The following CLSTN2 variants were observed in gnomAD, a reference collection of about 807,000 sequenced individuals.
CLSTN2 encodes the protein calsyntenin 2, also known as calsyntenin-2.
In CLSTN2, 48 loss-of-function variants were observed where a neutral mutation model predicts 101.2. The observed-to-expected ratio is 0.47, with a 90% CI of 0.38 to 0.60. The LOEUF is 0.60. CLSTN2 is among the 20% of genes least tolerant of loss of function. CLSTN2 has a pLI of 0.00. For missense variants in CLSTN2, 1,160 were observed against 1,238.2 expected, an observed-to-expected ratio of 0.94 and a Z score of 0.95; for synonymous variants, 481 against 463.6, an observed-to-expected ratio of 1.04 and a Z score of -0.48.
At chr3:140,108,700 T>G (rs1286141076) in intron 1 of CLSTN2, among the ~76,000 whole-genome samples, 2 of 152,220 alleles carry the variant, frequency 1.3e-5, no homozygotes, top group Non-Finnish European at 2.9e-5. Context: ...TTGTTTCATC[T>G]CATGGTATTT....
intron 8 of CLSTN2, among the ~76,000 whole-genome samples, chr3:140,497,168 A>G (rs947742981): frequency 2.0e-5 from 3 of 151,152 alleles, no homozygotes; most frequent in African/African-American, 7.3e-5. Flanking sequence ...TGTTGGGGGT[A>G]AGCCTTCCTC....
intron 2 of CLSTN2, among the ~76,000 whole-genome samples, chr3:140,182,134 A>G (rs1443328999): frequency 6.6e-6 from 1 of 152,182 alleles, no homozygotes; most frequent in African/African-American, 2.4e-5. Flanking sequence ...AAGAGGAAGC[A>G]AGTTATATCA....
At chr3:140,115,198 A>C (rs574940034) in intron 1 of CLSTN2, among the ~76,000 whole-genome samples, 1 of 152,300 alleles carries the variant, frequency 6.6e-6, no homozygotes, top group South Asian at 2.1e-4. Flanking sequence ...TATGGAAACT[A>C]TATCTTATTC....
Position 140,566,154 on chromosome 3 carries a change from AGAG to A in CLSTN2, c.2784_2786del (p.Glu929del), listed in dbSNP as rs10573488. The A allele has an allele frequency of 3.7e-4, 595 of 1,603,336 alleles. 1 individual carries two copies. The highest frequency in any genetic ancestry group is 4.5e-4 in the Non-Finnish European group (525 of 1,170,796). ...CCAGCAGTGGCTCTGACGACAGCGA[AGAG>A]GAGGAGGAGGAGGAAGGGATGGGCA... On this transcript the variant is annotated inframe_deletion, in exon 17 of 17. Transcript: ENST00000458420.
chr3:140,562,684 T>G, intron 13 of CLSTN2, 127 bp from the exon 14 acceptor site: 4 of 1,001,906 alleles, frequency 4.0e-6, no homozygotes, highest in Non-Finnish European at 5.9e-6. Flanking sequence ...CAAAATATCT[T>G]GAGCTCTTAC....
At chr3:140,285,045 A>C (rs2086883141) in intron 2 of CLSTN2, among the ~76,000 whole-genome samples, 1 of 152,058 alleles carries the variant, frequency 6.6e-6, no homozygotes, top group African/African-American at 2.4e-5. Context: ...CCAATACAAA[A>C]GGGCATCCTG....
chr3:140,126,216 A>G (rs994443078), intron 1 of CLSTN2, among the ~76,000 whole-genome samples: 8 of 152,162 alleles, frequency 5.3e-5, no homozygotes, highest in Non-Finnish European at 1.2e-4. Flanking sequence ...AAGTCTGCCA[A>G]AATGAAGACA....
intron 1 of CLSTN2, among the ~76,000 whole-genome samples, chr3:139,948,179 G>A (rs1195978823): frequency 6.6e-6 from 1 of 152,054 alleles, no homozygotes. Flanking sequence ...TGAAGGTAGG[G>A]TTTGGCTGCT....
At chr3:140,386,426 G>A (rs2088052102) in intron 2 of CLSTN2, among the ~76,000 whole-genome samples, 1 of 152,198 alleles carries the variant, frequency 6.6e-6, no homozygotes, top group African/African-American at 2.4e-5. Context: ...TAACACTTGA[G>A]GGGCTGTAAG....
chr3:140,271,861 C>T (rs901151898), intron 2 of CLSTN2, among the ~76,000 whole-genome samples: 3 of 152,194 alleles, frequency 2.0e-5, no homozygotes, highest in African/African-American at 7.2e-5. Context: ...AATGCAGACA[C>T]CAGATGTGTA....
intron 2 of CLSTN2, among the ~76,000 whole-genome samples, chr3:140,259,189 C>T (rs62267962): frequency 0.013 from 1,872 of 147,402 alleles, 14 homozygotes; most frequent in Non-Finnish European, 0.017. Flanking sequence ...AAGCTGCACA[C>T]GGGCTGGGTG....
chr3:140,344,791 G>A (rs1190908724), intron 2 of CLSTN2, among the ~76,000 whole-genome samples: 1 of 152,178 alleles, frequency 6.6e-6, no homozygotes, highest in African/African-American at 2.4e-5. Flanking sequence ...CTCCATGAAT[G>A]TTGACCCACA....
intron 2 of CLSTN2, among the ~76,000 whole-genome samples, chr3:140,391,392 G>C (rs1375204663): frequency 4.6e-5 from 7 of 151,292 alleles, no homozygotes; most frequent in African/African-American, 1.7e-4. Flanking sequence ...GGAGGGGCGG[G>C]TATTTTTCCA....
intron 1 of CLSTN2, among the ~76,000 whole-genome samples, chr3:140,060,548 T>C (rs980584754): frequency 6.6e-6 from 1 of 152,198 alleles, no homozygotes; most frequent in African/African-American, 2.4e-5. Context: ...ACTTCCTGGC[T>C]GTCTGAGTGT....
intron 8 of CLSTN2, among the ~76,000 whole-genome samples, chr3:140,497,741 G>C (rs145743699): frequency 6.6e-6 from 1 of 152,318 alleles, no homozygotes; most frequent in African/African-American, 2.4e-5. Context: ...TAAAACTCCT[G>C]TGTCTCTGAG....
intron 2 of CLSTN2, among the ~76,000 whole-genome samples, chr3:140,269,161 A>G (rs1002302246): frequency 6.6e-6 from 1 of 152,196 alleles, no homozygotes; most frequent in East Asian, 1.9e-4. Context: ...TTTAGTTAAG[A>G]GGAAGATTTT....
chr3:140,026,427 G>A (rs1453646185), intron 1 of CLSTN2, among the ~76,000 whole-genome samples: 1 of 152,162 alleles, frequency 6.6e-6, no homozygotes, highest in African/African-American at 2.4e-5. Context: ...TGTGTCCCAA[G>A]GCTCAGGAAG....
intron 2 of CLSTN2, among the ~76,000 whole-genome samples, chr3:140,305,054 ACTCTCT>A (rs1165522955): frequency 3.5e-4 from 41 of 118,136 alleles, no homozygotes; most frequent in African/African-American, 1.2e-3. Flanking sequence ...ACACACACAC[ACTCTCT>A]CTCTCTCTCT....
intron 2 of CLSTN2, among the ~76,000 whole-genome samples, chr3:140,264,406 ATATATATATATATATATATAT>A (rs2086678164): frequency 1.8e-5 from 1 of 56,130 alleles, no homozygotes; most frequent in Non-Finnish European, 4.0e-5. Context: ...ATATATATAT[ATATATATATATATATATATAT>A]AAAATTAGGC....
Sources: gnomAD v4.1 joint callset for allele counts (sites outside exome capture counted in the v4.1 genomes callset) on GRCh38, gnomAD v4.1.1 for gene constraint, MANE v1.5 for transcripts, NCBI Gene and HGNC (gene_info 2026-07-23, HGNC 2026-07-21) for gene names.